Variants in DISC1 observed in about 807,000 individuals in gnomAD.
The protein encoded by DISC1 is disrupted in schizophrenia 1 protein.
DISC1 carries 57 observed loss-of-function variants against 84.5 expected under a neutral mutation model. The ratio of observed to expected loss-of-function variants is 0.67; its 90% CI spans 0.55 to 0.84. The LOEUF (loss-of-function observed/expected upper bound fraction) is 0.84, where lower values mean the gene tolerates loss of function less well. Among genes scored for constraint, DISC1 ranks in the 40% least tolerant of loss-of-function variants. The pLI is 0.00. For synonymous variants in DISC1, 411 were observed against 415.2 expected (o/e 0.99, Z 0.12); for missense variants, 1,000 against 1,057.8 (o/e 0.95, Z 0.76).
intron 8 of DISC1, among the ~76,000 whole-genome samples, chr1:231,817,691 T>G (rs1200634324): frequency 1.3e-5 from 2 of 152,228 alleles, no homozygotes; most frequent in African/African-American, 2.4e-5. Flanking sequence ...TAGTTTTTTG[T>G]TATTTAGACA....
At chr1:231,912,557 G>T (rs1237474184) in intron 9 of DISC1, among the ~76,000 whole-genome samples, 1 of 152,128 alleles carries the variant, frequency 6.6e-6, no homozygotes, top group Admixed American at 6.5e-5. Flanking sequence ...GTCTCAGAGG[G>T]GCACCTGGCC....
chr1:231,666,214 A>G (rs955209255), intron 1 of DISC1, among the ~76,000 whole-genome samples: 1 of 151,122 alleles, frequency 6.6e-6, no homozygotes, highest in Admixed American at 6.6e-5. Flanking sequence ...TACAACCCCA[A>G]GCTTTTCATG....
intron 9 of DISC1, among the ~76,000 whole-genome samples, chr1:231,948,228 G>C (rs900283956): frequency 6.6e-6 from 1 of 152,102 alleles, no homozygotes; most frequent in Non-Finnish European, 1.5e-5. Flanking sequence ...ATAATAGACT[G>C]GATAAAGAAA....
chr1:231,948,832 A>G (rs1370297273), intron 9 of DISC1, among the ~76,000 whole-genome samples: 1 of 145,248 alleles, frequency 6.9e-6, no homozygotes, highest in East Asian at 2.0e-4. Flanking sequence ...TGAAGCAGAT[A>G]TTCAATCATT....
Position 231,894,081 on chromosome 1 carries a change from T to C in DISC1, c.1982-64747T>C, listed in dbSNP as rs368909071. ...GAAAAGAAGGGAGAAGTAGAAGTGT[T>C]GGGTGTGGTATTGCATACACTGGCT... On this transcript the variant is annotated intron_variant, in intron 9 of 12. Coordinates refer to ENST00000439617, the MANE Select transcript of DISC1 (RefSeq NM_018662.3). Among the ~76,000 whole-genome samples, 8 of 152,300 alleles carry C rather than the reference T, an allele frequency of 5.3e-5. No homozygotes were observed. The South Asian group carries it at 1.7e-3, about 32-fold the overall frequency.
intron 1 of DISC1, among the ~76,000 whole-genome samples, chr1:231,691,050 T>TC: frequency 6.6e-6 from 1 of 152,300 alleles, no homozygotes; most frequent in East Asian, 1.9e-4. Context: ...AAACAAGGGT[T>TC]CACAGTGGGT....
intron 11 of DISC1, among the ~76,000 whole-genome samples, chr1:232,020,214 T>C (rs1046969167): frequency 6.6e-6 from 1 of 152,088 alleles, no homozygotes; most frequent in Middle Eastern, 3.4e-3. Flanking sequence ...TGGTGGTGCA[T>C]GCCTGTAATC....
intron 9 of DISC1, among the ~76,000 whole-genome samples, chr1:231,846,987 G>T (rs112489446): frequency 6.6e-6 from 1 of 152,296 alleles, no homozygotes; most frequent in South Asian, 2.1e-4. Context: ...AGGAGAATTT[G>T]CTGTTTTCTC....
At chr1:231,893,980 A>G (rs2087465922) in intron 9 of DISC1, among the ~76,000 whole-genome samples, 2 of 152,244 alleles carry the variant, frequency 1.3e-5, no homozygotes, top group East Asian at 3.8e-4. Context: ...AGTTTACCAC[A>G]TACCACAAAC....
intron 9 of DISC1, among the ~76,000 whole-genome samples, chr1:231,904,777 T>G (rs1558713883): frequency 6.6e-6 from 1 of 152,088 alleles, no homozygotes; most frequent in East Asian, 1.9e-4. Context: ...AATTGCAGAC[T>G]GAGCTAGAGC....
At chr1:231,635,711 C>G (rs1265366886) in intron 1 of DISC1, among the ~76,000 whole-genome samples, 1 of 152,106 alleles carries the variant, frequency 6.6e-6, no homozygotes, top group Non-Finnish European at 1.5e-5. Flanking sequence ...TGAAACCAAT[C>G]AGGAGTTTCA....
intron 9 of DISC1, among the ~76,000 whole-genome samples, chr1:231,824,661 G>A (rs1380586499): frequency 1.3e-5 from 2 of 152,082 alleles, no homozygotes; most frequent in African/African-American, 2.4e-5. Context: ...GGGAGGCATC[G>A]CCATACAGTG....
At chr1:231,989,451 G>A (rs1436239236) in intron 10 of DISC1, among the ~76,000 whole-genome samples, 1 of 152,182 alleles carries the variant, frequency 6.6e-6, no homozygotes, top group East Asian at 1.9e-4. Context: ...CCCTGACCTT[G>A]AAGAGTCCTT....
At chr1:231,929,594 T>C (rs2090538020) in intron 9 of DISC1, among the ~76,000 whole-genome samples, 1 of 152,198 alleles carries the variant, frequency 6.6e-6, no homozygotes, top group African/African-American at 2.4e-5. Context: ...ATGCAAGTCA[T>C]CAGCCTTTCT....
At chr1:231,886,827 CTTTCT>C (rs2086792714) in intron 9 of DISC1, among the ~76,000 whole-genome samples, 2 of 125,752 alleles carry the variant, frequency 1.6e-5, no homozygotes. Flanking sequence ...TTCTTTCTTT[CTTTCT>C]TTCCTTCTTT....
chr1:231,687,415 CT>C (rs1395431712), intron 1 of DISC1, among the ~76,000 whole-genome samples: 5 of 152,112 alleles, frequency 3.3e-5, no homozygotes, highest in Non-Finnish European at 5.9e-5. Context: ...AGCAGAAGCC[CT>C]TGATAAACCC....
chr1:231,742,733 C>A (rs1054477717), intron 3 of DISC1, among the ~76,000 whole-genome samples: 1 of 151,900 alleles, frequency 6.6e-6, no homozygotes, highest in Non-Finnish European at 1.5e-5. Context: ...CATAACAGGG[C>A]TCCTTAGCTA....
chr1:231,642,777 A>G lies in DISC1; in HGVS notation c.67+15843A>G, dbSNP rs542386635. Among the ~76,000 whole-genome samples, 12 of 152,326 alleles carry G rather than the reference A, an allele frequency of 7.9e-5. No individual in the cohort carries two copies. In the South Asian group the frequency reaches 2.1e-3, roughly 26 times the overall value. On this transcript the variant is annotated intron_variant, in intron 1 of 12. Coordinates refer to ENST00000439617, the MANE Select transcript of DISC1 (RefSeq NM_018662.3). The stretch of plus-strand genomic sequence containing the variant: ...TCCCTGCTCTTGCTGGTATAATTTC[A>G]TACCCAAAGAGGGCATTCTAACCTT...
At chr1:231,850,011 A>G (rs887901596) in intron 9 of DISC1, among the ~76,000 whole-genome samples, 2 of 152,186 alleles carry the variant, frequency 1.3e-5, no homozygotes, top group African/African-American at 4.8e-5. Flanking sequence ...ATGGTGTCCA[A>G]AGTGTCACTA....
Sources: allele counts gnomAD v4.1 joint callset (sites outside exome capture counted in the v4.1 genomes callset), GRCh38; gene constraint gnomAD v4.1.1; transcripts MANE v1.5; gene names NCBI Gene and HGNC (gene_info 2026-07-23, HGNC 2026-07-21).